PPP4R3A: variants seen among roughly 807,000 people sequenced by gnomAD.
PPP4R3A encodes serine/threonine-protein phosphatase 4 regulatory subunit 3A.
PPP4R3A carries 15 observed loss-of-function variants against 91.7 expected under a neutral mutation model. That is an observed-to-expected ratio of 0.16 (90% CI 0.11 to 0.25). The LOEUF (loss-of-function observed/expected upper bound fraction) is 0.25, where lower values mean the gene tolerates loss of function less well. Ranked by LOEUF, PPP4R3A falls within the 10% of genes least tolerant of loss-of-function variation. PPP4R3A has a pLI of 1.00. For missense variants in PPP4R3A, 623 were observed against 998.4 expected (o/e 0.62, Z 5.07); for synonymous variants, 377 against 348.7 (o/e 1.08, Z -0.91).
intron 1 of PPP4R3A, among the ~76,000 whole-genome samples, chr14:91,504,323 A>AT (rs949259942): frequency 7.0e-6 from 1 of 141,860 alleles, no homozygotes; most frequent in Non-Finnish European, 1.5e-5. Flanking sequence ...GCTCTTAAAA[A>AT]TTAAAAAAAA....
chr14:91,460,759 T>TA (rs1294705024), intron 14 of PPP4R3A, among the ~76,000 whole-genome samples: 1 of 148,718 alleles, frequency 6.7e-6, no homozygotes, highest in Non-Finnish European at 1.5e-5. Flanking sequence ...TAGCTGGGAC[T>TA]ACAGGCGCCC....
intron 9 of PPP4R3A, among the ~76,000 whole-genome samples, 155 bp from the exon 10 acceptor site, chr14:91,471,150 CAT>C (rs1304581016): frequency 6.6e-6 from 1 of 152,216 alleles, no homozygotes; most frequent in Non-Finnish European, 1.5e-5. Context: ...GAACGCCTAA[CAT>C]GTGCCAGGAA....
At chr14:91,499,893 C>T (rs1890836035) in intron 1 of PPP4R3A, among the ~76,000 whole-genome samples, 1 of 151,620 alleles carries the variant, frequency 6.6e-6, no homozygotes. Flanking sequence ...AAATGTGAGG[C>T]CCTTTCTTGT....
intron 11 of PPP4R3A, 125 bp downstream of exon 11, chr14:91,465,125 T>C: frequency 1.4e-6 from 1 of 715,748 alleles, no homozygotes; most frequent in African/African-American, 2.2e-5. Context: ...CACAGGCTTT[T>C]AGTACTTTTT....
At chr14:91,474,260 T>C (rs1207966388) in intron 7 of PPP4R3A, among the ~76,000 whole-genome samples, 1 of 152,186 alleles carries the variant, frequency 6.6e-6, no homozygotes, top group African/African-American at 2.4e-5. Flanking sequence ...ATTCTAAATA[T>C]CAAAGAAAAG....
intron 1 of PPP4R3A, among the ~76,000 whole-genome samples, chr14:91,509,273 C>T (rs763548055): frequency 6.6e-6 from 1 of 152,222 alleles, no homozygotes; most frequent in Admixed American, 6.5e-5. Flanking sequence ...ACACGCTTGG[C>T]TCTCCTCGTA....
intron 9 of PPP4R3A, among the ~76,000 whole-genome samples, 187 bp from the exon 10 acceptor site, chr14:91,471,182 ATTTAAT>A (rs980245986): frequency 3.7e-4 from 56 of 152,196 alleles, no homozygotes; most frequent in African/African-American, 1.1e-3. Flanking sequence ...ACTTTTTTTT[ATTTAAT>A]TTTAACAACC....
At chr14:91,459,980 A>C (rs1237428886) in intron 14 of PPP4R3A, among the ~76,000 whole-genome samples, 2 of 152,042 alleles carry the variant, frequency 1.3e-5, no homozygotes, top group Admixed American at 6.6e-5. Flanking sequence ...GTTTCCTTTT[A>C]GCCCTGCTCC....
Position 91,458,531 on chromosome 14 carries a change from G to A in PPP4R3A, c.*228C>T. ...TCCTTCCCTGAGAAAAGGGCAATGT[G>A]TGGTCCAAGCTGGAGAGCTCAAAGG... On this transcript the variant is annotated 3_prime_UTR_variant, in exon 15 of 15. Coordinates refer to ENST00000554943, the MANE Select transcript of PPP4R3A (RefSeq NM_001366432.2). 1.6e-6 allele frequency: 1 copy of A among 613,982 alleles called. No individual in the cohort carries two copies. Among genetic ancestry groups the A allele is most frequent in the Non-Finnish European group, 2.9e-6 (1 of 345,636 alleles). 38.0% of individuals were successfully genotyped at this position (613,982 alleles called of 1,614,324 possible). A position where few individuals can be genotyped will look rare whatever the true frequency, so the allele number is the denominator to read the frequency against.
At chr14:91,464,221 T>C (rs1396892089) in intron 11 of PPP4R3A, among the ~76,000 whole-genome samples, 1 of 152,030 alleles carries the variant, frequency 6.6e-6, no homozygotes, top group Non-Finnish European at 1.5e-5. Context: ...CTCTAGAGGC[T>C]GAGGCAGAAG....
chr14:91,506,793 G>A (rs980447154), intron 1 of PPP4R3A, among the ~76,000 whole-genome samples: 9 of 152,096 alleles, frequency 5.9e-5, no homozygotes, highest in African/African-American at 2.2e-4. Context: ...CACACAATCC[G>A]TCGGCCTGGG....
chr14:91,487,670 T>C (rs1889978604), intron 2 of PPP4R3A, among the ~76,000 whole-genome samples: 1 of 152,156 alleles, frequency 6.6e-6, no homozygotes, highest in Non-Finnish European at 1.5e-5. Flanking sequence ...TATGATTCTA[T>C]TGCAGCAGTT....
intron 1 of PPP4R3A, among the ~76,000 whole-genome samples, chr14:91,499,987 G>T (rs1444147988): frequency 2.0e-5 from 3 of 152,104 alleles, no homozygotes; most frequent in African/African-American, 7.2e-5. Context: ...AGTACAGAGT[G>T]AGGTATCCTT....
chr14:91,460,117 T>G (rs1392183149), intron 14 of PPP4R3A, among the ~76,000 whole-genome samples: 1 of 151,596 alleles, frequency 6.6e-6, no homozygotes, highest in South Asian at 2.1e-4. Context: ...GATCACACCA[T>G]TCGCCTGCCT....
intron 9 of PPP4R3A, among the ~76,000 whole-genome samples, chr14:91,472,653 T>C (rs1474904667): frequency 6.6e-5 from 10 of 151,954 alleles, no homozygotes; most frequent in Admixed American, 6.6e-4. Context: ...ATTTTTTTAG[T>C]AGAGATGGGG....
intron 1 of PPP4R3A, among the ~76,000 whole-genome samples, chr14:91,503,322 C>T (rs1263778208): frequency 6.6e-6 from 1 of 151,052 alleles, no homozygotes; most frequent in African/African-American, 2.4e-5. Flanking sequence ...CAGGGTCTTG[C>T]TTCATCAGCC....
intron 1 of PPP4R3A, among the ~76,000 whole-genome samples, chr14:91,499,850 C>T (rs1316443417): frequency 6.6e-6 from 1 of 151,400 alleles, no homozygotes; most frequent in Non-Finnish European, 1.5e-5. Flanking sequence ...AAGTTCCCTC[C>T]CTGCTTCATA....
intron 7 of PPP4R3A, chr14:91,474,506 G>A (rs920880901): frequency 6.6e-6 from 1 of 152,028 alleles, no homozygotes; most frequent in African/African-American, 2.4e-5. Flanking sequence ...GAAAAAAAAA[G>A]AGTCCTACTG....
intron 3 of PPP4R3A, 51 bp downstream of exon 3, chr14:91,485,581 A>T: frequency 7.4e-7 from 1 of 1,355,964 alleles, no homozygotes; most frequent in Non-Finnish European, 1.0e-6. Context: ...AGCATGGCAA[A>T]AAACTAAACA....
Sources: gnomAD v4.1 joint callset for allele counts (sites outside exome capture counted in the v4.1 genomes callset) on GRCh38, gnomAD v4.1.1 for gene constraint, MANE v1.5 for transcripts, NCBI Gene and HGNC (gene_info 2026-07-23, HGNC 2026-07-21) for gene names.